Variants in DISP1 observed in about 807,000 individuals in gnomAD.
DISP1 encodes dispatched RND transporter family member 1, also known as protein dispatched homolog 1.
A neutral mutation model predicts 37.3 loss-of-function variants in DISP1; 30 were observed. The observed-to-expected ratio is 0.80, with a 90% CI of 0.60 to 1.09. The LOEUF (loss-of-function observed/expected upper bound fraction) is 1.09, where lower values mean the gene tolerates loss of function less well. Ranked by LOEUF, DISP1 falls within the 50% of genes least tolerant of loss-of-function variation. DISP1 has a pLI of 0.00. For synonymous variants in DISP1, 634 were observed against 690.2 expected (o/e 0.92, Z 1.28); for missense variants, 1,598 against 1,879.5 (o/e 0.85, Z 2.77).
chr1:222,984,421 A>AATATAT (rs1553254647), intron 4 of DISP1, among the ~76,000 whole-genome samples: 14 of 105,780 alleles, frequency 1.3e-4, no homozygotes, highest in African/African-American at 5.1e-4. Flanking sequence ...AAAAAAAAAA[A>AATATAT]ATATATATAT....
rs139897668 is a variant in DISP1 at position 222,929,559 on chromosome 1, AG to A, written c.-18+990del. 8.3e-3 allele frequency among the ~76,000 whole-genome samples: 1,260 copies of A among 152,212 alleles called. 13 individuals are homozygous for A. The highest frequency in any genetic ancestry group is 0.028 in the African/African-American group (1,182 of 41,554). The stretch of plus-strand genomic sequence containing the variant: ...AGGAAATGTGTCCTTTTTACTCACA[AG>A]AAGGTTATTTTAGATCATAATATTT... On this transcript the variant is annotated intron_variant, in intron 2 of 8. Coordinates refer to ENST00000675850, the MANE Select transcript of DISP1 (RefSeq NM_001377229.1).
intron 4 of DISP1, 50 bp downstream of exon 4, chr1:222,983,159 T>C (rs773347486): frequency 1.5e-6 from 2 of 1,335,106 alleles, no homozygotes; most frequent in East Asian, 4.6e-5. Flanking sequence ...CCTGCATGCT[T>C]TTTCCAGTCT....
rs190037827 is a variant in DISP1, at chr1:223,002,734, C to T, written c.1337C>T (p.Thr446Met). The T allele has an allele frequency of 4.5e-5, 73 of 1,613,970 alleles. No homozygotes were observed. The highest frequency in any genetic ancestry group is 3.6e-4 in the East Asian group (16 of 44,882). The change falls in exon 9 of 9, where the codon ACG becomes ATG. Residue 446 changes from threonine to methionine, a missense_variant. Physicochemically the swap from Thr to Met is moderately conservative, Grantham distance 81 (BLOSUM62 -1). Coordinates refer to ENST00000675850, the MANE Select transcript of DISP1 (RefSeq NM_001377229.1). ...FMTPKTADYA[T>M]PALKYSMLFS... ...ACCCCAAAGACGGCTGACTATGCCA[C>T]GCCAGCTTTAAAATACAGCATGCTC... is the stretch of plus-strand genomic sequence containing the variant.
At chr1:222,846,662 C>CTTG (rs1457367899) in intron 1 of DISP1, among the ~76,000 whole-genome samples, 1 of 152,190 alleles carries the variant, frequency 6.6e-6, no homozygotes, top group African/African-American at 2.4e-5. Flanking sequence ...GCATCTAAGG[C>CTTG]TTGTGGTTGC....
rs761249398 is a variant in DISP1 at position 223,005,250 on chromosome 1, C to T, written c.3853C>T (p.His1285Tyr). 3 of 1,614,016 alleles carry T rather than the reference C, an allele frequency of 1.9e-6. No individual in the cohort carries two copies. Among genetic ancestry groups the T allele is most frequent in the Non-Finnish European group, 8.5e-7 (1 of 1,180,032 alleles). The change falls in exon 9 of 9, where the codon CAC becomes TAC. Residue 1285 changes from histidine to tyrosine, a missense_variant. Transcript: ENST00000675850. ...CTACAAACACTTGAACTATGGCCCA[C>T]ACTCTTGCCAGCAGATGGGGGACTG... ...DAYKHLNYGP[H>Y]SCQQMGDCLC...
intron 3 of DISP1, among the ~76,000 whole-genome samples, chr1:222,944,995 T>G (rs538106096): frequency 7.4e-5 from 11 of 148,386 alleles, no homozygotes; most frequent in African/African-American, 2.8e-4. Flanking sequence ...CTGGGCAACA[T>G]AGCAAAACTC....
At chr1:222,828,813 A>T (rs1280104047) in intron 1 of DISP1, among the ~76,000 whole-genome samples, 14 of 152,010 alleles carry the variant, frequency 9.2e-5, no homozygotes, top group Admixed American at 9.2e-4. Context: ...CTCTTACTTT[A>T]TTGTTGGCTC....
In DISP1 at chr1:222,893,484, G is replaced by A. The variant is rs931295281; in HGVS notation, c.-158-34946G>A. ...GCCAAAGGCAAGCCAGGCATGGAGC[G>A]GTGAGGGCTGTGTGGGCGAGTGAGT... On this transcript the variant is annotated intron_variant, in intron 1 of 8. Coordinates refer to ENST00000675850, the MANE Select transcript of DISP1 (RefSeq NM_001377229.1). This position sits in a 1 kb window ranked among gnomAD's most constrained non-coding sequence, Gnocchi z 4.3. 3.3e-5 allele frequency among the ~76,000 whole-genome samples: 5 copies of A among 152,248 alleles called. No individual in the cohort carries two copies. Among genetic ancestry groups the A allele is most frequent in the Admixed American group, 2.0e-4 (3 of 15,292 alleles).
At chr1:222,874,805 G>T (rs1669864996) in intron 1 of DISP1, among the ~76,000 whole-genome samples, 1 of 152,136 alleles carries the variant, frequency 6.6e-6, no homozygotes, top group Non-Finnish European at 1.5e-5. Flanking sequence ...CTGGTGAGGA[G>T]CTGCGTTCCT....
At chr1:222,828,018 G>A (rs1355504684) in intron 1 of DISP1, among the ~76,000 whole-genome samples, 5 of 152,176 alleles carry the variant, frequency 3.3e-5, no homozygotes, top group Non-Finnish European at 5.9e-5. Context: ...GGGAAAAGGT[G>A]TCTGTGCATC....
intron 1 of DISP1, among the ~76,000 whole-genome samples, chr1:222,917,239 C>A (rs936280784): frequency 1.5e-5 from 1 of 67,598 alleles, no homozygotes; most frequent in East Asian, 8.4e-4. Context: ...CTGCATTTGT[C>A]CCCCCTTCAT....
Position 222,990,769 on chromosome 1 carries a change from C to T in DISP1, c.663+21C>T, listed in dbSNP as rs200132950. 3,631 of 1,613,534 alleles carry T rather than the reference C, an allele frequency of 2.3e-3. 7 individuals carry two copies. The highest frequency in any genetic ancestry group is 2.6e-3 in the Non-Finnish European group (3,029 of 1,179,696). On this transcript the variant is annotated intron_variant, in intron 5 of 8. Coordinates refer to ENST00000675850, the MANE Select transcript of DISP1 (RefSeq NM_001377229.1). ...TGCTGGTAACTAACTTTTATGTTTT[C>T]TTTAGCCTAAAATCATCTCCAAATA...
intron 1 of DISP1, among the ~76,000 whole-genome samples, chr1:222,885,930 T>C (rs114858452): frequency 0.011 from 1,723 of 151,944 alleles, 28 homozygotes; most frequent in African/African-American, 0.04. Context: ...ACTGAGATTA[T>C]TCCTAATTTG....
At chr1:222,946,169 C>T (rs896322427) in intron 3 of DISP1, among the ~76,000 whole-genome samples, 1 of 146,162 alleles carries the variant, frequency 6.8e-6, no homozygotes, top group African/African-American at 2.6e-5. Flanking sequence ...GTCAGGAGGT[C>T]GAGACCATCC....
intron 1 of DISP1, among the ~76,000 whole-genome samples, chr1:222,898,548 G>GTTTTT (rs5781289): frequency 6.8e-6 from 1 of 146,856 alleles, no homozygotes. Flanking sequence ...ATGTACCACT[G>GTTTTT]TTTTTTTTTT....
chr1:222,868,380 T>C (rs745583367), intron 1 of DISP1, among the ~76,000 whole-genome samples: 2 of 152,090 alleles, frequency 1.3e-5, no homozygotes, highest in Non-Finnish European at 2.9e-5. Context: ...TATATATGTA[T>C]ATGTTTATAG....
chr1:222,995,633 A>G (rs1558076860), intron 8 of DISP1, among the ~76,000 whole-genome samples: 1 of 152,196 alleles, frequency 6.6e-6, no homozygotes, highest in African/African-American at 2.4e-5. Context: ...CAGAAAATGT[A>G]GTGAGCTTCT....
intron 1 of DISP1, among the ~76,000 whole-genome samples, chr1:222,880,537 C>T (rs1466123922): frequency 6.6e-6 from 1 of 152,192 alleles, no homozygotes; most frequent in Non-Finnish European, 1.5e-5. Context: ...AAAATCCCTT[C>T]TACAATGACC....
chr1:222,928,190 A>G (rs1673189286), intron 1 of DISP1, among the ~76,000 whole-genome samples: 1 of 152,228 alleles, frequency 6.6e-6, no homozygotes, highest in Admixed American at 6.5e-5. Context: ...ACAGTCCTTC[A>G]TGCAGTTTCC....
Sources: allele counts gnomAD v4.1 joint callset (sites outside exome capture counted in the v4.1 genomes callset), GRCh38; gene constraint gnomAD v4.1.1; non-coding constraint Gnocchi (gnomAD v3.1); transcripts MANE v1.5; gene names NCBI Gene and HGNC (gene_info 2026-07-23, HGNC 2026-07-21).